TATDN1: variants seen among roughly 807,000 people sequenced by gnomAD.
The protein encoded by TATDN1 is deoxyribonuclease TATDN1.
In TATDN1, 40 loss-of-function variants were observed where a neutral mutation model predicts 46.4. The ratio of observed to expected loss-of-function variants is 0.86; its 90% CI spans 0.67 to 1.12. The LOEUF (loss-of-function observed/expected upper bound fraction) is 1.12. Ranked by LOEUF, TATDN1 falls within the 50% of genes most tolerant of loss-of-function variation. TATDN1 has a pLI of 0.00. For missense variants in TATDN1, 326 were observed against 348.4 expected (o/e 0.94, Z 0.51); for synonymous variants, 95 against 105.6 (o/e 0.90, Z 0.62).
intron 11 of TATDN1, among the ~76,000 whole-genome samples, chr8:124,492,865 C>T (rs1817143259): frequency 6.6e-6 from 1 of 151,910 alleles, no homozygotes; most frequent in Non-Finnish European, 1.5e-5. Flanking sequence ...ACAGGGGTCT[C>T]CCTATGTTGC....
intron 3 of TATDN1, among the ~76,000 whole-genome samples, chr8:124,519,140 C>T (rs149887526): frequency 6.6e-6 from 1 of 152,254 alleles, no homozygotes; most frequent in East Asian, 1.9e-4. Context: ...TATTTATATA[C>T]CCACCTTTCC....
At chr8:124,507,722 G>T (rs1818610595) in intron 8 of TATDN1, among the ~76,000 whole-genome samples, 1 of 150,884 alleles carries the variant, frequency 6.6e-6, no homozygotes. Context: ...AGGTTGCAGT[G>T]AGCTGAGATT....
intron 8 of TATDN1, among the ~76,000 whole-genome samples, chr8:124,506,653 A>C (rs1470183392): frequency 3.3e-5 from 5 of 152,170 alleles, no homozygotes; most frequent in African/African-American, 1.2e-4. Context: ...TACGCATAAA[A>C]CTGTCAACGT....
intron 4 of TATDN1, among the ~76,000 whole-genome samples, chr8:124,516,476 A>G (rs950121267): frequency 6.9e-6 from 1 of 144,530 alleles, no homozygotes; most frequent in Middle Eastern, 3.3e-3. Flanking sequence ...CTAATTTTTA[A>G]TTTTTTTTTT....
intron 9 of TATDN1, among the ~76,000 whole-genome samples, chr8:124,502,913 A>T (rs1266510438): frequency 6.6e-6 from 1 of 152,182 alleles, no homozygotes; most frequent in East Asian, 1.9e-4. Context: ...CTGAGGTGGG[A>T]GGGTTGCTTG....
intron 8 of TATDN1, among the ~76,000 whole-genome samples, chr8:124,508,044 AT>A (rs1454639062): frequency 1.3e-5 from 2 of 152,192 alleles, no homozygotes; most frequent in Non-Finnish European, 2.9e-5. Flanking sequence ...TTTAAAAAAA[AT>A]TTAAATGTTG....
intron 9 of TATDN1, among the ~76,000 whole-genome samples, chr8:124,502,958 C>T (rs549061639): frequency 1.3e-5 from 2 of 152,214 alleles, no homozygotes; most frequent in East Asian, 1.9e-4. Flanking sequence ...GTTGTGATCA[C>T]GCCACTGCAT....
intron 1 of TATDN1, among the ~76,000 whole-genome samples, chr8:124,537,937 C>A (rs533925294): frequency 2.3e-5 from 3 of 131,620 alleles, no homozygotes; most frequent in South Asian, 5.6e-4. Flanking sequence ...GGACTTAGCA[C>A]AACGTCTTTG....
chr8:124,525,677 C>G (rs138927751), intron 1 of TATDN1, among the ~76,000 whole-genome samples: 2 of 152,210 alleles, frequency 1.3e-5, no homozygotes, highest in East Asian at 3.8e-4. Flanking sequence ...ATTACAAACA[C>G]TGTAACATGC....
chr8:124,528,888 A>G (rs557343979), intron 1 of TATDN1, among the ~76,000 whole-genome samples: 2 of 152,288 alleles, frequency 1.3e-5, no homozygotes, highest in East Asian at 3.9e-4. Context: ...GTAACTAGTA[A>G]CTTCAAGTAT....
intron 11 of TATDN1, among the ~76,000 whole-genome samples, chr8:124,492,751 CAAA>C (rs397892964): frequency 1.8e-4 from 13 of 72,368 alleles, no homozygotes; most frequent in Non-Finnish European, 2.9e-4. Context: ...AAGATGGTCT[CAAA>C]AAAAAAAAAA....
chr8:124,488,526 T>C lies in TATDN1; in HGVS notation c.*68A>G, dbSNP rs1166252123. ...AGACAACTTGCAGATAATTTCTTTA[T>C]TGAAACTATCAGGAAGTTTTACTAT... is the stretch of plus-strand genomic sequence containing the variant. On this transcript the variant is annotated 3_prime_UTR_variant, in exon 12 of 12. Coordinates refer to ENST00000276692, the MANE Select transcript of TATDN1 (RefSeq NM_032026.4). 2 of 793,838 alleles carry C rather than the reference T, an allele frequency of 2.5e-6. No individual in the cohort carries two copies. The highest frequency in any genetic ancestry group is 3.5e-5 in the African/African-American group (2 of 56,882). The allele number at this position is 793,838 out of a possible 1,614,324, so 49.2% of individuals were successfully genotyped here.
At chr8:124,500,663 C>T (rs1215888696) in intron 9 of TATDN1, among the ~76,000 whole-genome samples, 1 of 147,312 alleles carries the variant, frequency 6.8e-6, no homozygotes, top group Non-Finnish European at 1.5e-5. Context: ...GCCTGAGAGG[C>T]AGAGTGAGAC....
intron 1 of TATDN1, among the ~76,000 whole-genome samples, chr8:124,529,054 A>G (rs1820738894): frequency 6.6e-6 from 1 of 152,184 alleles, no homozygotes; most frequent in Non-Finnish European, 1.5e-5. Context: ...GGTCATGAGC[A>G]ATCCTGAGTC....
chr8:124,526,190 T>C (rs899604662), intron 1 of TATDN1, among the ~76,000 whole-genome samples: 1 of 152,230 alleles, frequency 6.6e-6, no homozygotes, highest in African/African-American at 2.4e-5. Flanking sequence ...TTTTGATTTG[T>C]CCTTTAAAAA....
intron 9 of TATDN1, among the ~76,000 whole-genome samples, chr8:124,497,484 A>G (rs1817577919): frequency 6.6e-6 from 1 of 151,982 alleles, no homozygotes; most frequent in Admixed American, 6.6e-5. Context: ...GGGGGGTTTC[A>G]CCATGTTGGC....
In TATDN1 at chr8:124,488,541, A is replaced by G; in HGVS notation, c.*53T>C. 1 of 917,536 alleles carries G rather than the reference A, an allele frequency of 1.1e-6. No individual in the cohort carries two copies. The highest frequency in any genetic ancestry group is 1.7e-6 in the Non-Finnish European group (1 of 578,434). The allele number at this position is 917,536 out of a possible 1,614,324, so 56.8% of individuals were successfully genotyped here. On this transcript the variant is annotated 3_prime_UTR_variant, in exon 12 of 12. Coordinates refer to ENST00000276692, the MANE Select transcript of TATDN1 (RefSeq NM_032026.4). ...AATTTCTTTATTGAAACTATCAGGA[A>G]GTTTTACTATGAAATTTTACATACA...
intron 9 of TATDN1, among the ~76,000 whole-genome samples, chr8:124,496,482 T>C (rs551447997): frequency 6.6e-6 from 1 of 152,314 alleles, no homozygotes; most frequent in Non-Finnish European, 1.5e-5. Context: ...AAATCTATGG[T>C]CCGCCTATTC....
At chr8:124,529,453 G>C (rs1170671080) in intron 1 of TATDN1, among the ~76,000 whole-genome samples, 1 of 152,092 alleles carries the variant, frequency 6.6e-6, no homozygotes, top group Non-Finnish European at 1.5e-5. Flanking sequence ...AAGGATACGG[G>C]GGGTTACAAA....
Sources: allele counts gnomAD v4.1 joint callset (sites outside exome capture counted in the v4.1 genomes callset), GRCh38; gene constraint gnomAD v4.1.1; transcripts MANE v1.5; gene names NCBI Gene and HGNC (gene_info 2026-07-23, HGNC 2026-07-21).